Variants in ANAPC10 observed in about 807,000 individuals in gnomAD.
ANAPC10 encodes the protein anaphase-promoting complex subunit 10.
ANAPC10 carries 12 observed loss-of-function variants against 22.0 expected under a neutral mutation model. That is an observed-to-expected ratio of 0.55 (90% CI 0.35 to 0.88). The LOEUF (loss-of-function observed/expected upper bound fraction) is 0.88. Ranked by LOEUF, ANAPC10 falls within the 40% of genes least tolerant of loss-of-function variation. The pLI, the probability that ANAPC10 is intolerant of heterozygous loss-of-function variation, is 0.01. For synonymous variants in ANAPC10, 65 were observed against 69.5 expected (o/e 0.94, Z 0.32); for missense variants, 188 against 220.9 (o/e 0.85, Z 0.94).
chr4:145,084,396 A>G (rs1268189504), intron 2 of ANAPC10, among the ~76,000 whole-genome samples: 4 of 152,216 alleles, frequency 2.6e-5, no homozygotes, highest in Admixed American at 2.6e-4. Flanking sequence ...GGAAAACAAC[A>G]GTGGGTCCTT....
chr4:145,042,510 C>A (rs1579010961), intron 4 of ANAPC10, among the ~76,000 whole-genome samples: 1 of 152,096 alleles, frequency 6.6e-6, no homozygotes, highest in Admixed American at 6.6e-5. Context: ...AAATTTCTCA[C>A]CTTCAATACT....
intron 3 of ANAPC10, among the ~76,000 whole-genome samples, chr4:145,065,042 C>T (rs1743476779): frequency 6.6e-6 from 1 of 151,904 alleles, no homozygotes. Flanking sequence ...AGAAATTATT[C>T]TCATAAGTTT....
intron 4 of ANAPC10, among the ~76,000 whole-genome samples, chr4:145,007,892 CA>C (rs1733662677): frequency 6.7e-6 from 1 of 148,150 alleles, no homozygotes; most frequent in African/African-American, 2.5e-5. Flanking sequence ...TCAATGAATC[CA>C]GGAGCTGGTT....
chr4:145,041,022 T>TA (rs904830361), intron 4 of ANAPC10, among the ~76,000 whole-genome samples: 21 of 152,054 alleles, frequency 1.4e-4, no homozygotes, highest in South Asian at 2.1e-4. Flanking sequence ...CCAGTTATAT[T>TA]AAAAAAAACA....
chr4:145,050,264 G>A (rs539849916), intron 4 of ANAPC10, among the ~76,000 whole-genome samples: 1 of 152,304 alleles, frequency 6.6e-6, no homozygotes, highest in African/African-American at 2.4e-5. Flanking sequence ...CAAGCATAGT[G>A]TTTTGAAATA....
At chr4:145,003,076 T>C (rs1444580878) in intron 4 of ANAPC10, among the ~76,000 whole-genome samples, 1 of 152,168 alleles carries the variant, frequency 6.6e-6, no homozygotes, top group Non-Finnish European at 1.5e-5. Flanking sequence ...CCATGTGTAT[T>C]CAATGTTTAG....
At chr4:145,026,945 A>ATATATATATATATATATATATGTGTG (rs1287102797) in intron 4 of ANAPC10, among the ~76,000 whole-genome samples, 21 of 17,126 alleles carry the variant, frequency 1.2e-3, no homozygotes, top group Admixed American at 2.5e-3. Flanking sequence ...ATATATATAT[A>ATATATATATATATATATATATGTGTG]TGTGTGTGTG....
intron 4 of ANAPC10, among the ~76,000 whole-genome samples, chr4:145,054,018 C>T (rs996172162): frequency 6.6e-6 from 1 of 151,728 alleles, no homozygotes; most frequent in African/African-American, 2.4e-5. Flanking sequence ...AAGCGATTCT[C>T]CTGCCTCAGC....
chr4:145,097,300 G>T, intron 1 of ANAPC10: 1 of 377,906 alleles, frequency 2.6e-6, no homozygotes, highest in South Asian at 2.0e-5. Flanking sequence ...ATTTTGAAGT[G>T]AATAACTGGC....
chr4:145,011,406 T>C (rs1024610415), intron 4 of ANAPC10, among the ~76,000 whole-genome samples: 2 of 147,588 alleles, frequency 1.4e-5, no homozygotes, highest in Non-Finnish European at 3.0e-5. Flanking sequence ...GAGGATGGAG[T>C]AGTTTGTGGC....
At chr4:145,096,245 A>G (rs915337435) in intron 1 of ANAPC10, 134 bp from the exon 2 acceptor site, 4 of 953,466 alleles carry the variant, frequency 4.2e-6, no homozygotes, top group Non-Finnish European at 6.1e-6. Context: ...TGCAGTTAAT[A>G]TAATTAAATC....
rs375397936 is a variant in ANAPC10, at chr4:145,038,385, C to T, written c.327+26187G>A. Among the ~76,000 whole-genome samples the T allele has an allele frequency of 1.4e-4, 22 of 152,110 alleles. No homozygotes were observed. The East Asian group carries it at 2.7e-3, about 19-fold the overall frequency. On this transcript the variant is annotated intron_variant, in intron 4 of 4. Coordinates refer to ENST00000507656, the MANE Select transcript of ANAPC10 (RefSeq NM_001256706.2). ...AAAATTAGCCAGGCATGGTGGTGCACGCCTGTAATCCCAGCTACTGGGGAG... is the reference window on the plus strand; with the variant it reads ...AAAATTAGCCAGGCATGGTGGTGCATGCCTGTAATCCCAGCTACTGGGGAG...
chr4:144,999,332 AAT>A (rs1213147190), intron 4 of ANAPC10: 2 of 152,676 alleles, frequency 1.3e-5, no homozygotes, highest in Non-Finnish European at 2.9e-5. Context: ...ATTTTAGACC[AAT>A]ATGTTTCAGG....
intron 4 of ANAPC10, chr4:145,053,734 G>T: frequency 1.6e-6 from 1 of 638,572 alleles, no homozygotes. Context: ...CCTTTATCCT[G>T]AGACTTGAAG....
chr4:145,063,154 A>AT (rs1743159510), intron 4 of ANAPC10, among the ~76,000 whole-genome samples: 1 of 152,140 alleles, frequency 6.6e-6, no homozygotes, highest in African/African-American at 2.4e-5. Flanking sequence ...AAGAGAGTGG[A>AT]TTTTGAGAGT....
chr4:144,996,817 C>T (rs1230319158), intron 4 of ANAPC10, among the ~76,000 whole-genome samples: 5 of 152,038 alleles, frequency 3.3e-5, no homozygotes, highest in Non-Finnish European at 7.4e-5. Flanking sequence ...TCGAACCCAT[C>T]GCAAAGAAGC....
At chr4:145,023,931 T>G (rs1736302772) in intron 4 of ANAPC10, among the ~76,000 whole-genome samples, 1 of 152,196 alleles carries the variant, frequency 6.6e-6, no homozygotes, top group Non-Finnish European at 1.5e-5. Flanking sequence ...AGGCAAAACT[T>G]TCAAAATTGG....
At chr4:145,063,545 CCT>C (rs1743218087) in intron 4 of ANAPC10, among the ~76,000 whole-genome samples, 2 of 152,086 alleles carry the variant, frequency 1.3e-5, no homozygotes, top group African/African-American at 4.8e-5. Flanking sequence ...TAACTGGAGG[CCT>C]TTCAAAGATC....
chr4:145,043,722 G>A (rs1226750788), intron 4 of ANAPC10, among the ~76,000 whole-genome samples: 1 of 152,020 alleles, frequency 6.6e-6, no homozygotes, highest in Admixed American at 6.6e-5. Flanking sequence ...AAAAGAAAAT[G>A]CAACAGGAAA....
Sources: gnomAD v4.1 joint callset for allele counts (sites outside exome capture counted in the v4.1 genomes callset) on GRCh38, gnomAD v4.1.1 for gene constraint, MANE v1.5 for transcripts, NCBI Gene and HGNC (gene_info 2026-07-23, HGNC 2026-07-21) for gene names.